The following DRG1 variants were observed in gnomAD, a reference collection of about 807,000 sequenced individuals.
DRG1 encodes developmentally-regulated GTP-binding protein 1.
Under a neutral mutation model 38.8 loss-of-function variants are expected in DRG1, and 19 were observed. The observed-to-expected ratio is 0.49, with a 90% CI of 0.34 to 0.72. DRG1 has a LOEUF of 0.72. Among genes scored for constraint, DRG1 ranks in the 30% least tolerant of loss-of-function variants. DRG1 has a pLI of 0.01. For synonymous variants in DRG1, 167 were observed against 157.5 expected (o/e 1.06, Z -0.45); for missense variants, 299 against 444.8 (o/e 0.67, Z 2.95).
intron 4 of DRG1, 50 bp from the exon 5 acceptor site, chr22:31,420,206 G>A: frequency 6.3e-7 from 1 of 1,593,778 alleles, no homozygotes; most frequent in East Asian, 2.2e-5. Flanking sequence ...ATTTGGGTTA[G>A]TTAAGGCTTT....
intron 8 of DRG1, among the ~76,000 whole-genome samples, chr22:31,428,265 G>A (rs2050121640): frequency 6.6e-6 from 1 of 151,542 alleles, no homozygotes; most frequent in Non-Finnish European, 1.5e-5. Flanking sequence ...AGGCTGGAGT[G>A]CAGTGGCGCA....
At chr22:31,424,897 G>C (rs574797371) in intron 6 of DRG1, among the ~76,000 whole-genome samples, 1 of 144,120 alleles carries the variant, frequency 6.9e-6, no homozygotes, top group African/African-American at 2.6e-5. Context: ...CTGCCTCCCG[G>C]GTTCAAGCAA....
chr22:31,402,269 A>G (rs1488117171), intron 2 of DRG1, among the ~76,000 whole-genome samples: 2 of 152,110 alleles, frequency 1.3e-5, no homozygotes, highest in African/African-American at 4.8e-5. Context: ...TTGACTCTGA[A>G]CTTGTTGGCA....
intron 6 of DRG1, among the ~76,000 whole-genome samples, chr22:31,425,611 T>C (rs2050105753): frequency 6.6e-6 from 1 of 152,114 alleles, no homozygotes. Context: ...AGGCTAATTT[T>C]TGTATTTTTT....
chr22:31,424,497 T>C (rs1316210077), intron 6 of DRG1, among the ~76,000 whole-genome samples: 2 of 134,982 alleles, frequency 1.5e-5, no homozygotes, highest in African/African-American at 5.5e-5. Context: ...TCTTTTTTTT[T>C]TTTTTTTTTT....
At chr22:31,401,245 C>T (rs958146098) in intron 2 of DRG1, among the ~76,000 whole-genome samples, 5 of 148,280 alleles carry the variant, frequency 3.4e-5, no homozygotes, top group African/African-American at 7.5e-5. Flanking sequence ...TCTCTATGGG[C>T]TTAGAAATGA....
chr22:31,402,884 C>CTA, intron 2 of DRG1, 145 bp from the exon 3 acceptor site: 3 of 854,814 alleles, frequency 3.5e-6, no homozygotes. Flanking sequence ...GTTTTGTGTG[C>CTA]TTTAGTTCTC....
intron 3 of DRG1, among the ~76,000 whole-genome samples, chr22:31,406,676 GAA>G (rs763887549): frequency 1.5e-5 from 2 of 136,094 alleles, no homozygotes; most frequent in Admixed American, 7.4e-5. Flanking sequence ...CCCTGTCCCG[GAA>G]AAAAAAAAAA....
rs1478777501 is a variant in DRG1, at chr22:31,431,677, A to G, written c.1005-2195A>G. ...GACTGAGACCCTTCCTCAAAAAACC[A>G]ACCAAAGAAAGAAAAAACTTGTTTC... On this transcript the variant is annotated intron_variant, in intron 8 of 8. Transcript: ENST00000331457. Among the ~76,000 whole-genome samples, 4 of 152,164 alleles carry G rather than the reference A, an allele frequency of 2.6e-5. No homozygotes were observed. In the East Asian group the frequency reaches 7.7e-4, roughly 29 times the overall value.
chr22:31,409,951 C>T (rs1381015381), intron 3 of DRG1, among the ~76,000 whole-genome samples: 3 of 152,010 alleles, frequency 2.0e-5, no homozygotes, highest in Non-Finnish European at 2.9e-5. Flanking sequence ...GCCGAGATCA[C>T]GCCACTGCAT....
At chr22:31,403,575 G>A (rs2049974149) in intron 3 of DRG1, among the ~76,000 whole-genome samples, 1 of 152,310 alleles carries the variant, frequency 6.6e-6, no homozygotes, top group African/African-American at 2.4e-5. Context: ...GCTGAGGCTG[G>A]AGAATCGCTT....
At chr22:31,404,882 C>T (rs927213266) in intron 3 of DRG1, among the ~76,000 whole-genome samples, 8 of 152,014 alleles carry the variant, frequency 5.3e-5, no homozygotes, top group African/African-American at 1.9e-4. Flanking sequence ...CCTTGGCCTC[C>T]CAAGATGTTA....
Position 31,416,391 on chromosome 22 carries a change from C to T in DRG1, c.413-3865C>T, listed in dbSNP as rs555487103. 1.6e-4 allele frequency among the ~76,000 whole-genome samples: 25 copies of T among 152,308 alleles called. No homozygotes were observed. The South Asian group carries it at 4.8e-3, about 29-fold the overall frequency. ...AAGTCTTAACATAGCTTACAAGCTA[C>T]GGTAAATGACCTGGCCCCTGGCTGC... On this transcript the variant is annotated intron_variant, in intron 4 of 8. Coordinates refer to ENST00000331457, the MANE Select transcript of DRG1 (RefSeq NM_004147.4).
intron 4 of DRG1, among the ~76,000 whole-genome samples, chr22:31,414,362 A>G (rs2050033304): frequency 6.6e-6 from 1 of 152,124 alleles, no homozygotes; most frequent in East Asian, 1.9e-4. Flanking sequence ...TCTTGATCTT[A>G]GCTGAGGCGG....
At chr22:31,421,855 A>G (rs1428747214) in intron 5 of DRG1, among the ~76,000 whole-genome samples, 1 of 152,134 alleles carries the variant, frequency 6.6e-6, no homozygotes, top group African/African-American at 2.4e-5. Context: ...AGTGGCTCAC[A>G]CCTGTAATCC....
At chr22:31,400,285 C>A (rs2049953793) in intron 1 of DRG1, among the ~76,000 whole-genome samples, 1 of 151,874 alleles carries the variant, frequency 6.6e-6, no homozygotes, top group East Asian at 1.9e-4. Context: ...CCATTGCGTG[C>A]GGCCCTGAGA....
chr22:31,426,761 A>T lies in DRG1; in HGVS notation c.860A>T (p.Asp287Val), dbSNP rs1185866690. The stretch of plus-strand genomic sequence containing the variant: ...GATGACCTATTGGAAAAGATCTGGG[A>T]CTATCTGAAACTAGTGAGAATGTAA... ...NFDDLLEKIW[D>V]YLKLVRIYTK... Residue 287 changes from aspartate (D) to valine (V), a missense_variant, in exon 7 of 9, where the codon GAC becomes GTC. Coordinates refer to ENST00000331457, the MANE Select transcript of DRG1 (RefSeq NM_004147.4). The T allele has an allele frequency of 6.2e-7, 1 of 1,613,988 alleles. No individual in the cohort carries two copies. Among genetic ancestry groups the T allele is most frequent in the African/African-American group, 1.3e-5 (1 of 74,918 alleles).
At chr22:31,411,530 CTTTTTTT>C (rs71319191) in intron 4 of DRG1, among the ~76,000 whole-genome samples, 3 of 129,800 alleles carry the variant, frequency 2.3e-5, no homozygotes, top group African/African-American at 5.7e-5. Flanking sequence ...TCTGTCTTTT[CTTTTTTT>C]TTTTTTTTTT....
chr22:31,411,211 A>G, intron 4 of DRG1, 130 bp downstream of exon 4: 1 of 967,480 alleles, frequency 1.0e-6, no homozygotes, highest in Non-Finnish European at 1.6e-6. Flanking sequence ...TTCTCATTTA[A>G]GTTGAAGCTT....
Sources: gnomAD v4.1 joint callset for allele counts (sites outside exome capture counted in the v4.1 genomes callset) on GRCh38, gnomAD v4.1.1 for gene constraint, MANE v1.5 for transcripts, NCBI Gene and HGNC (gene_info 2026-07-23, HGNC 2026-07-21) for gene names.